Variants in SLX4IP observed in about 807,000 individuals in gnomAD.
The protein encoded by SLX4IP is SLX4 interacting protein.
In SLX4IP, 34 loss-of-function variants were observed where a neutral mutation model predicts 32.9. The observed-to-expected ratio is 1.03, with a 90% CI of 0.79 to 1.38. The LOEUF (loss-of-function observed/expected upper bound fraction) is 1.38. Among genes scored for constraint, SLX4IP ranks in the 40% most tolerant of loss-of-function variants. The pLI is 0.00. For synonymous variants in SLX4IP, 172 were observed against 171.7 expected (o/e 1.00, Z -0.01); for missense variants, 444 against 479.0 (o/e 0.93, Z 0.68).
chr20:10,482,589 T>A (rs528104225), intron 2 of SLX4IP, among the ~76,000 whole-genome samples: 1 of 152,252 alleles, frequency 6.6e-6, no homozygotes, highest in South Asian at 2.1e-4. Context: ...GAGGTTGTAC[T>A]AGAGGTACTG....
intron 4 of SLX4IP, among the ~76,000 whole-genome samples, chr20:10,569,660 T>C (rs926060389): frequency 6.6e-6 from 1 of 152,136 alleles, no homozygotes; most frequent in Non-Finnish European, 1.5e-5. Context: ...CTCCCTCGTC[T>C]TCACATGAGT....
At chr20:10,441,332 A>T (rs1479677761) in intron 1 of SLX4IP, among the ~76,000 whole-genome samples, 1 of 152,148 alleles carries the variant, frequency 6.6e-6, no homozygotes, top group Non-Finnish European at 1.5e-5. Flanking sequence ...GCTACTCGGA[A>T]GGCTGAGGCA....
rs936251139 is a variant in SLX4IP at position 10,479,897 on chromosome 20, G to A, written c.27+21666G>A. Among the ~76,000 whole-genome samples, 3 of 151,738 alleles carry A rather than the reference G, an allele frequency of 2.0e-5. No homozygotes were observed. The East Asian group carries it at 5.9e-4, about 30-fold the overall frequency. ...TGGGTGCCTGTAATCCCAGCCACTC[G>A]GGAGGCTGAGGCAGGAGAATCCCTT... On this transcript the variant is annotated intron_variant, in intron 2 of 7. Coordinates refer to ENST00000334534, the MANE Select transcript of SLX4IP (RefSeq NM_001009608.3).
intron 4 of SLX4IP, among the ~76,000 whole-genome samples, chr20:10,576,907 AC>A (rs901082370): frequency 1.3e-5 from 2 of 151,596 alleles, no homozygotes; most frequent in African/African-American, 2.4e-5. Context: ...TAGTGTTTTG[AC>A]CCCCCTAGCT....
chr20:10,452,680 AAT>A (rs1280513421), intron 1 of SLX4IP, among the ~76,000 whole-genome samples: 9 of 109,498 alleles, frequency 8.2e-5, no homozygotes, highest in African/African-American at 1.8e-4. Flanking sequence ...AAAAAAAAAA[AAT>A]ATATATATAT....
At chr20:10,491,634 C>T (rs687090) in intron 2 of SLX4IP, among the ~76,000 whole-genome samples, 59,485 of 151,970 alleles carry the variant, frequency 0.39, 11,862 homozygotes, top group Non-Finnish European at 0.43. Flanking sequence ...AAAAGTGATT[C>T]TCTTATTAAA....
At chr20:10,597,730 T>C (rs550439328) in intron 4 of SLX4IP, among the ~76,000 whole-genome samples, 1 of 152,212 alleles carries the variant, frequency 6.6e-6, no homozygotes, top group South Asian at 2.1e-4. Flanking sequence ...TTGTGAACAC[T>C]GTATGTTCAT....
At chr20:10,542,994 C>G (rs922988095) in intron 2 of SLX4IP, among the ~76,000 whole-genome samples, 3 of 152,194 alleles carry the variant, frequency 2.0e-5, no homozygotes, top group Non-Finnish European at 4.4e-5. Flanking sequence ...CCATCCCCAT[C>G]CAGGTTGCTG....
At chr20:10,528,711 C>G (rs1201046964) in intron 2 of SLX4IP, among the ~76,000 whole-genome samples, 1 of 152,214 alleles carries the variant, frequency 6.6e-6, no homozygotes, top group Non-Finnish European at 1.5e-5. Flanking sequence ...AGCCTGAAGA[C>G]TCAGAAGAGA....
chr20:10,590,505 C>T (rs1407069018), intron 4 of SLX4IP, among the ~76,000 whole-genome samples: 2 of 151,252 alleles, frequency 1.3e-5, no homozygotes, highest in Non-Finnish European at 2.9e-5. Context: ...GGATTACAGG[C>T]GCACACTGCC....
intron 4 of SLX4IP, among the ~76,000 whole-genome samples, chr20:10,564,123 A>G (rs183099041): frequency 6.6e-6 from 1 of 152,110 alleles, no homozygotes; most frequent in Non-Finnish European, 1.5e-5. Flanking sequence ...GACAAGAGGG[A>G]CACGCCATGG....
At chr20:10,567,697 G>A (rs2066413167) in intron 4 of SLX4IP, among the ~76,000 whole-genome samples, 1 of 152,108 alleles carries the variant, frequency 6.6e-6, no homozygotes, top group Non-Finnish European at 1.5e-5. Context: ...AAATATTTAT[G>A]TCACCAGTTC....
chr20:10,600,051 T>G (rs550247640), intron 5 of SLX4IP, among the ~76,000 whole-genome samples: 123 of 151,216 alleles, frequency 8.1e-4, no homozygotes, highest in African/African-American at 2.6e-3. Flanking sequence ...ATGATTTTTT[T>G]AGGGGGGGGA....
intron 6 of SLX4IP, among the ~76,000 whole-genome samples, chr20:10,612,004 G>A (rs1950132092): frequency 2.6e-5 from 4 of 152,168 alleles, no homozygotes. Context: ...TACATGCACG[G>A]CCTCAGTCTT....
intron 2 of SLX4IP, among the ~76,000 whole-genome samples, chr20:10,459,775 A>G (rs180753968): frequency 5.9e-5 from 9 of 152,296 alleles, no homozygotes; most frequent in Admixed American, 5.9e-4. Context: ...AGGTGTGGAT[A>G]GATGGGAGGC....
intron 6 of SLX4IP, among the ~76,000 whole-genome samples, chr20:10,603,870 G>A (rs1007687771): frequency 4.6e-5 from 7 of 152,118 alleles, no homozygotes; most frequent in African/African-American, 1.7e-4. Context: ...GACCCATCAA[G>A]CCAACTACAC....
At chr20:10,570,452 C>T (rs1042244218) in intron 4 of SLX4IP, among the ~76,000 whole-genome samples, 2 of 152,088 alleles carry the variant, frequency 1.3e-5, no homozygotes, top group African/African-American at 2.4e-5. Context: ...TCACACAGAT[C>T]GGCATGCAGA....
At chr20:10,466,013 G>A (rs2051094497) in intron 2 of SLX4IP, among the ~76,000 whole-genome samples, 1 of 152,178 alleles carries the variant, frequency 6.6e-6, no homozygotes, top group Admixed American at 6.5e-5. Context: ...GGGTAAGTTA[G>A]CAAGGCCAAG....
intron 4 of SLX4IP, among the ~76,000 whole-genome samples, chr20:10,595,859 C>CT (rs1263992618): frequency 6.6e-6 from 1 of 152,144 alleles, no homozygotes; most frequent in Non-Finnish European, 1.5e-5. Context: ...AGGTGCAAAT[C>CT]TTTTTTACAT....
Sources: allele counts gnomAD v4.1 joint callset (sites outside exome capture counted in the v4.1 genomes callset), GRCh38; gene constraint gnomAD v4.1.1; transcripts MANE v1.5; gene names NCBI Gene and HGNC (gene_info 2026-07-23, HGNC 2026-07-21).